The following PAPPA2 variants were observed in gnomAD, a reference collection of about 807,000 sequenced individuals.
PAPPA2 encodes pappalysin 2.
PAPPA2 carries 86 observed loss-of-function variants against 176.4 expected under a neutral mutation model. That is an observed-to-expected ratio of 0.49 (90% CI 0.41 to 0.58). The LOEUF (loss-of-function observed/expected upper bound fraction) is 0.58. Ranked by LOEUF, PAPPA2 falls within the 20% of genes least tolerant of loss-of-function variation. The probability of loss-of-function intolerance (pLI) is 0.00; values close to 1 mark genes in which losing one functional copy is unlikely to be tolerated. For missense variants in PAPPA2, 2,073 were observed against 2,256.9 expected (o/e 0.92, Z 1.65); for synonymous variants, 809 against 852.2 (o/e 0.95, Z 0.88).
At chr1:176,564,592 A>C (rs547346180) in intron 2 of PAPPA2, among the ~76,000 whole-genome samples, 1 of 152,200 alleles carries the variant, frequency 6.6e-6, no homozygotes. Flanking sequence ...CTGTGGCACT[A>C]TCAGTGGTGG....
chr1:176,698,998 A>G, intron 7 of PAPPA2, 102 bp from the exon 8 acceptor site: 1 of 1,411,900 alleles, frequency 7.1e-7, no homozygotes, highest in Non-Finnish European at 9.5e-7. Flanking sequence ...CAGGAATTCT[A>G]AAAGTTCTCT....
At chr1:176,785,898 A>T (rs554357022) in intron 17 of PAPPA2, among the ~76,000 whole-genome samples, 1 of 152,216 alleles carries the variant, frequency 6.6e-6, no homozygotes, top group Admixed American at 6.5e-5. Flanking sequence ...TCAGAGAAAA[A>T]TACCACATGA....
chr1:176,803,144 G>T (rs12117867), intron 21 of PAPPA2, among the ~76,000 whole-genome samples: 9,466 of 151,926 alleles, frequency 0.062, 366 homozygotes, highest in Non-Finnish European at 0.087. Context: ...TTAGTTAATG[G>T]AAAACTTTTG....
intron 3 of PAPPA2, among the ~76,000 whole-genome samples, chr1:176,636,952 TA>T (rs890427304): frequency 6.6e-6 from 1 of 152,054 alleles, no homozygotes; most frequent in African/African-American, 2.4e-5. Context: ...GATTTTGTGT[TA>T]AAATAAGATA....
intron 12 of PAPPA2, among the ~76,000 whole-genome samples, chr1:176,721,659 G>A (rs1224329862): frequency 6.6e-6 from 1 of 151,992 alleles, no homozygotes; most frequent in Admixed American, 6.6e-5. Context: ...TTCTTTGAAG[G>A]CCATGTCTTT....
At chr1:176,626,012 G>T (rs978814033) in intron 3 of PAPPA2, among the ~76,000 whole-genome samples, 1 of 152,070 alleles carries the variant, frequency 6.6e-6, no homozygotes, top group Non-Finnish European at 1.5e-5. Context: ...AACAGAGTGA[G>T]ACTCTGTCTC....
chr1:176,682,790 T>C (rs1305121595), intron 4 of PAPPA2, among the ~76,000 whole-genome samples: 3 of 152,138 alleles, frequency 2.0e-5, no homozygotes, highest in Non-Finnish European at 4.4e-5. Context: ...TGCTCCTTCC[T>C]TGGACCCCAA....
At chr1:176,557,630 G>T (rs1651406138) in intron 2 of PAPPA2, among the ~76,000 whole-genome samples, 1 of 152,196 alleles carries the variant, frequency 6.6e-6, no homozygotes, top group Non-Finnish European at 1.5e-5. Flanking sequence ...CTTGAAGACA[G>T]ATGAGAATCC....
chr1:176,694,787 G>A (rs1379024786), intron 6 of PAPPA2, among the ~76,000 whole-genome samples: 2 of 152,210 alleles, frequency 1.3e-5, no homozygotes, highest in African/African-American at 4.8e-5. Flanking sequence ...CATTCACAGA[G>A]GGACTGCTGG....
At position 176,556,156 on chromosome 1, in the gene PAPPA2, C is replaced by A; in HGVS notation, c.-167C>A. On this transcript the variant is annotated 5_prime_UTR_variant, in exon 2 of 23. Coordinates refer to ENST00000367662, the MANE Select transcript of PAPPA2 (RefSeq NM_020318.3). Reference sequence around the variant, plus strand: ...CTGGCAGAGCGGCCAGCACAGGTAGCCAGCAGAGGCATTCTTGGGGCTATT... The same window carrying A: ...CTGGCAGAGCGGCCAGCACAGGTAGACAGCAGAGGCATTCTTGGGGCTATT... 1.3e-6 allele frequency: 1 copy of A among 781,958 alleles called. No homozygotes were observed. Among genetic ancestry groups the A allele is most frequent in the Non-Finnish European group, 2.0e-6 (1 of 494,356 alleles). 48.4% of individuals were successfully genotyped at this position (781,958 alleles called of 1,614,324 possible). A position where few individuals can be genotyped will look rare whatever the true frequency, so the allele number is the denominator to read the frequency against.
At chr1:176,592,240 C>G (rs1214344736) in intron 2 of PAPPA2, among the ~76,000 whole-genome samples, 1 of 152,126 alleles carries the variant, frequency 6.6e-6, no homozygotes, top group East Asian at 1.9e-4. Flanking sequence ...ATCTAAGCAC[C>G]TAGTGAGGTT....
At chr1:176,653,862 C>T (rs528526491) in intron 3 of PAPPA2, among the ~76,000 whole-genome samples, 3 of 151,656 alleles carry the variant, frequency 2.0e-5, no homozygotes, top group African/African-American at 7.3e-5. Context: ...ACTTGAATTG[C>T]CAGGAACATT....
At chr1:176,802,778 C>T (rs1416271069) in intron 21 of PAPPA2, among the ~76,000 whole-genome samples, 1 of 152,134 alleles carries the variant, frequency 6.6e-6, no homozygotes, top group Non-Finnish European at 1.5e-5. Context: ...GCCCATATTG[C>T]CCTTCATGTT....
intron 17 of PAPPA2, among the ~76,000 whole-genome samples, chr1:176,784,247 A>C (rs1664835863): frequency 1.3e-5 from 2 of 152,308 alleles, no homozygotes; most frequent in African/African-American, 4.8e-5. Context: ...CATTCTTTCA[A>C]ATGCAATCTA....
intron 3 of PAPPA2, chr1:176,616,532 A>G: frequency 2.3e-6 from 3 of 1,292,710 alleles, no homozygotes; most frequent in Non-Finnish European, 3.3e-6. Context: ...TTTTTACAAA[A>G]TGTAACCAAT....
At chr1:176,656,219 C>A (rs1658022713) in intron 3 of PAPPA2, among the ~76,000 whole-genome samples, 1 of 151,790 alleles carries the variant, frequency 6.6e-6, no homozygotes, top group Admixed American at 6.6e-5. Flanking sequence ...AAATGGAAAA[C>A]AAGGCAGATA....
chr1:176,769,769 C>T lies in PAPPA2; in HGVS notation c.4486C>T (p.Pro1496Ser), dbSNP rs1292073684. Reference protein sequence around the residue: ...LKRCSISCVPPAKLQGLSPWL... With the variant: ...LKRCSISCVPSAKLQGLSPWL... ...ACGCTGCTCAATCTCTTGTGTCCCA[C>T]CAGCCAAGCTGCAAGGTATTGTCTG... Residue 1496 changes from proline to serine, a missense_variant, in exon 16 of 23, where the codon CCA becomes TCA. By Grantham distance (74) the Pro-to-Ser change is moderately conservative. This residue lies in a region of PAPPA2 where 846 missense variants were observed against 857.9 expected (regional missense o/e 0.99). Transcript: ENST00000367662. 3 of 1,607,270 alleles carry T rather than the reference C, an allele frequency of 1.9e-6. No homozygotes were observed. The highest frequency in any genetic ancestry group is 2.5e-6 in the Non-Finnish European group (3 of 1,177,912).
intron 1 of PAPPA2, among the ~76,000 whole-genome samples, chr1:176,471,737 T>C (rs550924628): frequency 1.3e-5 from 2 of 152,352 alleles, no homozygotes; most frequent in Admixed American, 6.5e-5. Flanking sequence ...TTGTGATATA[T>C]CCTTTCAATC....
intron 1 of PAPPA2, among the ~76,000 whole-genome samples, chr1:176,479,284 C>T (rs374132733): frequency 5.9e-5 from 9 of 152,076 alleles, no homozygotes; most frequent in Non-Finnish European, 1.3e-4. Flanking sequence ...TCTTTTGGAT[C>T]TAACTGGTTT....
Sources: gnomAD v4.1 joint callset for allele counts (sites outside exome capture counted in the v4.1 genomes callset) on GRCh38, gnomAD v4.1.1 for gene constraint, gnomAD v4.1.1 regional missense constraint, MANE v1.5 for transcripts, NCBI Gene and HGNC (gene_info 2026-07-23, HGNC 2026-07-21) for gene names.